The following SRGAP3 variants were observed in gnomAD, a reference collection of about 807,000 sequenced individuals.
SRGAP3 encodes the protein SLIT-ROBO Rho GTPase-activating protein 3.
In SRGAP3, 39 loss-of-function variants were observed where a neutral mutation model predicts 121.1. That is an observed-to-expected ratio of 0.32 (90% CI 0.25 to 0.42). The LOEUF (loss-of-function observed/expected upper bound fraction) is 0.42, where lower values mean the gene tolerates loss of function less well. Ranked by LOEUF, SRGAP3 falls within the 10% of genes least tolerant of loss-of-function variation. The pLI, the probability that SRGAP3 is intolerant of heterozygous loss-of-function variation, is 1.00. For missense variants in SRGAP3, 1,213 were observed against 1,470.6 expected (o/e 0.82, Z 2.86); for synonymous variants, 601 against 570.0 (o/e 1.05, Z -0.77).
At chr3:9,171,720 C>A (rs1950980983) in intron 1 of SRGAP3, among the ~76,000 whole-genome samples, 1 of 152,210 alleles carries the variant, frequency 6.6e-6, no homozygotes, top group Non-Finnish European at 1.5e-5. Flanking sequence ...CTAAAGTACA[C>A]CAACCCATAC....
At chr3:9,307,299 C>A (rs555497202) in intron 3 of SRGAP3, among the ~76,000 whole-genome samples, 1 of 152,150 alleles carries the variant, frequency 6.6e-6, no homozygotes, top group East Asian at 1.9e-4. Context: ...TCACTGCCTG[C>A]CCCACTCCAG....
In SRGAP3 at chr3:8,994,381, A is replaced by G. The variant is rs1942259032; in HGVS notation, c.2370T>C (p.Asp790=). 1.2e-6 allele frequency: 2 copies of G among 1,614,208 alleles called. No individual in the cohort carries two copies. Among genetic ancestry groups the G allele is most frequent in the East Asian group, 4.5e-5 (2 of 44,886 alleles). The change falls in exon 19 of 22, where the codon GAT becomes GAC. Residue 790 remains aspartate, a synonymous_variant. Coordinates refer to ENST00000383836, the MANE Select transcript of SRGAP3 (RefSeq NM_014850.4). The stretch of plus-strand genomic sequence containing the variant: ...CTATGTACTGATGGGGGATGAGTCC[A>G]TCCACGCCGTTGTGCCGGCCCTCCC... ...DWWEGRHNGV[D]GLIPHQYIVV...
At chr3:9,203,551 G>C (rs867363269) in intron 1 of SRGAP3, among the ~76,000 whole-genome samples, 1 of 152,118 alleles carries the variant, frequency 6.6e-6, no homozygotes, top group Non-Finnish European at 1.5e-5. Context: ...AGGAGAGATC[G>C]AGAACTCTTC....
intron 2 of SRGAP3, among the ~76,000 whole-genome samples, chr3:9,329,720 T>A (rs553990074): frequency 1.1e-4 from 17 of 152,328 alleles, no homozygotes; most frequent in African/African-American, 3.8e-4. Flanking sequence ...GGTGGCCACT[T>A]GTTAGCAGCA....
intron 3 of SRGAP3, among the ~76,000 whole-genome samples, chr3:9,092,355 A>C (rs1947793016): frequency 6.6e-6 from 1 of 152,210 alleles, no homozygotes; most frequent in Non-Finnish European, 1.5e-5. Flanking sequence ...ATTACTACTA[A>C]TACTATGTGC....
At chr3:9,136,261 T>C (rs116459708) in intron 1 of SRGAP3, among the ~76,000 whole-genome samples, 3,555 of 152,238 alleles carry the variant, frequency 0.023, 121 homozygotes, top group African/African-American at 0.081. Flanking sequence ...TAGCCTCCTG[T>C]ACACCGAGAG....
At chr3:9,097,104 C>G (rs757642048) in intron 3 of SRGAP3, among the ~76,000 whole-genome samples, 4 of 151,038 alleles carry the variant, frequency 2.6e-5, no homozygotes, top group Non-Finnish European at 4.4e-5. Context: ...AATCCTCCAG[C>G]CTCAGCCTTG....
At chr3:9,185,337 T>C (rs1376030994) in intron 1 of SRGAP3, among the ~76,000 whole-genome samples, 1 of 152,020 alleles carries the variant, frequency 6.6e-6, no homozygotes, top group Non-Finnish European at 1.5e-5. Flanking sequence ...CCCCTCACAC[T>C]AGCTACCCTG....
intron 8 of SRGAP3, among the ~76,000 whole-genome samples, chr3:9,054,546 T>C (rs956226500): frequency 2.6e-5 from 4 of 152,250 alleles, no homozygotes; most frequent in Non-Finnish European, 5.9e-5. Flanking sequence ...GACTGATGCC[T>C]TACATCTCCC....
At position 9,239,389 on chromosome 3, in the gene SRGAP3, A is replaced by G. The variant is rs181399937; in HGVS notation, c.67+9496T>C. Among the ~76,000 whole-genome samples, 5 of 152,340 alleles carry G rather than the reference A, an allele frequency of 3.3e-5. No homozygotes were observed. The highest frequency in any genetic ancestry group is 6.5e-5 in the Admixed American group (1 of 15,302). On this transcript the variant is annotated intron_variant, in intron 1 of 21. Coordinates refer to ENST00000383836, the MANE Select transcript of SRGAP3 (RefSeq NM_014850.4). The surrounding 1 kb of genome is among the most constrained non-coding windows in gnomAD (Gnocchi z 4.0). ...AGCAAGACTCTGTCTCAAAAAAACA[A>G]AAGATAGAGATGTGAAATGGAGACT...
intron 1 of SRGAP3, among the ~76,000 whole-genome samples, chr3:9,161,039 A>C (rs1308450025): frequency 6.6e-6 from 1 of 152,232 alleles, no homozygotes; most frequent in African/African-American, 2.4e-5. Context: ...GGTAGAAGGA[A>C]TGATGGAATT....
Position 9,069,442 on chromosome 3 carries a change from C to T in SRGAP3, c.487-4861G>A, listed in dbSNP as rs368482761. Reference sequence around the variant, plus strand: ...TGAACTGGGGATGTCTGAAGGGCCCCTCAGAGGTACCCATCCACTTGATGC... The same window carrying T: ...TGAACTGGGGATGTCTGAAGGGCCCTTCAGAGGTACCCATCCACTTGATGC... On this transcript the variant is annotated intron_variant, in intron 4 of 21. Coordinates refer to ENST00000383836, the MANE Select transcript of SRGAP3 (RefSeq NM_014850.4). Among the ~76,000 whole-genome samples, 4 of 152,304 alleles carry T rather than the reference C, an allele frequency of 2.6e-5. No homozygotes were observed. The East Asian group carries it at 7.7e-4, about 29-fold the overall frequency.
intron 3 of SRGAP3, among the ~76,000 whole-genome samples, chr3:9,278,806 G>A (rs1954628813): frequency 6.6e-6 from 1 of 152,150 alleles, no homozygotes; most frequent in Non-Finnish European, 1.5e-5. Flanking sequence ...AATAGGCATT[G>A]GCATTAAAAG....
chr3:9,246,595 T>C (rs1953832858), intron 1 of SRGAP3, among the ~76,000 whole-genome samples: 1 of 152,186 alleles, frequency 6.6e-6, no homozygotes, highest in Non-Finnish European at 1.5e-5. Context: ...TCTCTGAAAC[T>C]GAGTTCACAC....
chr3:9,247,830 G>C (rs771870815), intron 1 of SRGAP3, among the ~76,000 whole-genome samples: 1 of 152,232 alleles, frequency 6.6e-6, no homozygotes, highest in Non-Finnish European at 1.5e-5. Flanking sequence ...CAAGAGGCAC[G>C]AGCCCAGGCT....
At chr3:9,275,377 G>A (rs1954552267) in intron 3 of SRGAP3, among the ~76,000 whole-genome samples, 2 of 152,088 alleles carry the variant, frequency 1.3e-5, no homozygotes, top group Admixed American at 1.3e-4. Context: ...AGAGCCTGGT[G>A]TCTGGTTAAT....
chr3:9,012,983 T>G (rs1279645330), intron 17 of SRGAP3, among the ~76,000 whole-genome samples: 1 of 152,130 alleles, frequency 6.6e-6, no homozygotes, highest in African/African-American at 2.4e-5. Context: ...GAATGGAGAC[T>G]GCAGGACCAA....
rs750925547 is a variant in SRGAP3, at chr3:8,985,503, C to G, written c.*16G>C. ...TGAGCCACAGCGGGCCACGGCGGCG[C>G]GGCCCATCCTGCAGGTCACATGGTG... is the stretch of plus-strand genomic sequence containing the variant. On this transcript the variant is annotated 3_prime_UTR_variant, in exon 22 of 22. Transcript: ENST00000383836. This position sits in a 1 kb window ranked among gnomAD's most constrained non-coding sequence, Gnocchi z 5.1. 3 of 1,598,012 alleles carry G rather than the reference C, an allele frequency of 1.9e-6. No homozygotes were observed. The highest frequency in any genetic ancestry group is 2.5e-6 in the Non-Finnish European group (3 of 1,179,280).
At chr3:9,170,276 C>G (rs2664105) in intron 1 of SRGAP3, among the ~76,000 whole-genome samples, 82,913 of 152,072 alleles carry the variant, frequency 0.55, 24,834 homozygotes, top group Non-Finnish European at 0.68. Flanking sequence ...CCCTGCATCA[C>G]GTCAGTGCAA....
Sources: gnomAD v4.1 joint callset for allele counts (sites outside exome capture counted in the v4.1 genomes callset) on GRCh38, gnomAD v4.1.1 for gene constraint, Gnocchi (gnomAD v3.1) non-coding constraint, MANE v1.5 for transcripts, NCBI Gene and HGNC (gene_info 2026-07-23, HGNC 2026-07-21) for gene names.